FGD4: variants seen among roughly 807,000 people sequenced by gnomAD.
The protein encoded by FGD4 is FYVE, RhoGEF and PH domain-containing protein 4.
Under a neutral mutation model 102.0 loss-of-function variants are expected in FGD4, and 42 were observed. The ratio of observed to expected loss-of-function variants is 0.41; its 90% CI spans 0.32 to 0.53. The LOEUF is 0.53. FGD4 is among the 20% of genes least tolerant of loss of function. The probability of loss-of-function intolerance (pLI) is 0.21; values close to 1 mark genes in which losing one functional copy is unlikely to be tolerated. For synonymous variants in FGD4, 380 were observed against 375.7 expected (o/e 1.01, Z -0.13); for missense variants, 902 against 1,078.2 (o/e 0.84, Z 2.29).
At position 32,640,491 on chromosome 12, in the gene FGD4, C is replaced by T. The variant is rs751695357; in HGVS notation, c.2670C>T (p.Thr890=). 1 of 1,614,108 alleles carries T rather than the reference C, an allele frequency of 6.2e-7. No individual in the cohort carries two copies. The highest frequency in any genetic ancestry group is 1.1e-5 in the South Asian group (1 of 91,084). ...TPGGPNEHPA[T]LDDHPEPKKK... ...GTGGTCCAAATGAGCATCCAGCCACCTTGGATGATCATCCTGAACCTAAGA... is the reference window on the plus strand; with the variant it reads ...GTGGTCCAAATGAGCATCCAGCCACTTTGGATGATCATCCTGAACCTAAGA... The change falls in exon 17 of 17, where the codon ACC becomes ACT. Residue 890 remains threonine (T), a synonymous_variant. Transcript: ENST00000534526.
chr12:32,585,860 A>AAAG (rs1491469243), intron 4 of FGD4, among the ~76,000 whole-genome samples: 1 of 145,272 alleles, frequency 6.9e-6, no homozygotes, highest in African/African-American at 2.5e-5. Context: ...AAAAAAAAAA[A>AAAG]GGGAAATGCA....
intron 14 of FGD4, 93 bp downstream of exon 14, chr12:32,625,872 C>G (rs1950133455): frequency 1.3e-6 from 2 of 1,535,922 alleles, no homozygotes; most frequent in African/African-American, 2.7e-5. Flanking sequence ...TGACTTTCAA[C>G]AAATCACTTA....
chr12:32,453,224 TAGATATATATATA>T (rs1565749159), intron 1 of FGD4, among the ~76,000 whole-genome samples: 1,009 of 60,604 alleles, frequency 0.017, 33 homozygotes, highest in Middle Eastern at 0.053. Context: ...ATATATAATA[TAGATATATATATA>T]TTTTTTTTTT....
chr12:32,578,908 G>A (rs899489913), intron 3 of FGD4, among the ~76,000 whole-genome samples: 11 of 151,180 alleles, frequency 7.3e-5, no homozygotes, highest in Non-Finnish European at 1.3e-4. Context: ...AATTTTTACT[G>A]TGGTTTCCTT....
At chr12:32,424,821 G>GT (rs1941775253) in intron 1 of FGD4, among the ~76,000 whole-genome samples, 1 of 152,198 alleles carries the variant, frequency 6.6e-6, no homozygotes, top group South Asian at 2.1e-4. Context: ...CTAATGACCA[G>GT]TGATGATGAG....
At chr12:32,573,162 C>A (rs1945816795) in intron 2 of FGD4, among the ~76,000 whole-genome samples, 4 of 152,270 alleles carry the variant, frequency 2.6e-5, no homozygotes, top group Admixed American at 6.5e-5. Context: ...GTGGCGCGAT[C>A]TCGGCTCACT....
chr12:32,477,530 C>A (rs1458905167), intron 1 of FGD4: 1 of 152,302 alleles, frequency 6.6e-6, no homozygotes, highest in Non-Finnish European at 1.5e-5. Flanking sequence ...TTTTAAGTTC[C>A]TTGCCAACAG....
chr12:32,518,811 T>C (rs1371836908), intron 1 of FGD4, among the ~76,000 whole-genome samples: 1 of 148,006 alleles, frequency 6.8e-6, no homozygotes, highest in East Asian at 2.0e-4. Flanking sequence ...TCTTTTTCTT[T>C]ACAAAAGAAA....
intron 2 of FGD4, among the ~76,000 whole-genome samples, chr12:32,569,620 G>C (rs936682032): frequency 9.2e-5 from 14 of 152,162 alleles, no homozygotes; most frequent in Admixed American, 9.2e-4. Flanking sequence ...ACCCTGGATG[G>C]TATTTATCTT....
At chr12:32,599,534 CTTTTTTTTTT>C (rs764106230) in intron 5 of FGD4, among the ~76,000 whole-genome samples, 159 of 35,236 alleles carry the variant, frequency 4.5e-3, no homozygotes, top group Non-Finnish European at 6.0e-3. Flanking sequence ...ACTAAGGCAT[CTTTTTTTTTT>C]TTTTTTTTTT....
intron 4 of FGD4, among the ~76,000 whole-genome samples, chr12:32,584,594 C>A (rs12322494): frequency 6.6e-6 from 1 of 151,436 alleles, no homozygotes; most frequent in Non-Finnish European, 1.5e-5. Flanking sequence ...TGTAACCCCC[C>A]CCTCCCAAAA....
At chr12:32,510,766 T>G (rs1939278499) in intron 1 of FGD4, among the ~76,000 whole-genome samples, 1 of 152,216 alleles carries the variant, frequency 6.6e-6, no homozygotes, top group Non-Finnish European at 1.5e-5. Context: ...ATTAGACAGA[T>G]ACTTGTAAGA....
intron 3 of FGD4, 101 bp downstream of exon 3, chr12:32,576,550 T>C (rs1946144193): frequency 1.5e-6 from 2 of 1,333,458 alleles, no homozygotes; most frequent in Non-Finnish European, 2.1e-6. Flanking sequence ...GCATAATATC[T>C]TATTCCATTA....
chr12:32,399,656 A>T lies in FGD4; in HGVS notation c.-138A>T. The T allele has an allele frequency of 7.1e-7, 1 of 1,418,324 alleles. No individual in the cohort carries two copies. Among genetic ancestry groups the T allele is most frequent in the East Asian group, 2.8e-5 (1 of 35,328 alleles). The allele number at this position is 1,418,324 out of a possible 1,614,324, so 87.9% of individuals were successfully genotyped here. Reference sequence around the variant, plus strand: ...ACCGGGAAGGAGAGGGAGAGGAGGCACTCGCTGAGGAGACGCCGCAGTAGA... The same window carrying T: ...ACCGGGAAGGAGAGGGAGAGGAGGCTCTCGCTGAGGAGACGCCGCAGTAGA... On this transcript the variant is annotated 5_prime_UTR_variant, in exon 1 of 17. Transcript: ENST00000534526.
At chr12:32,481,127 C>CAAAAAAAAA (rs1157108520) in intron 1 of FGD4, among the ~76,000 whole-genome samples, 529 of 27,360 alleles carry the variant, frequency 0.019, 167 homozygotes, top group East Asian at 0.14. Flanking sequence ...GACTCCGTCT[C>CAAAAAAAAA]AAAAAAAAAA....
At chr12:32,587,187 CAA>C (rs1181469038) in intron 4 of FGD4, among the ~76,000 whole-genome samples, 3,594 of 65,836 alleles carry the variant, frequency 0.055, 58 homozygotes, top group Admixed American at 0.11. Context: ...GAGACTCTCT[CAA>C]AAAAAAAAAA....
intron 1 of FGD4, chr12:32,534,390 G>A: frequency 6.7e-7 from 1 of 1,492,202 alleles, no homozygotes; most frequent in Non-Finnish European, 8.9e-7. Context: ...TTTACAGCCA[G>A]GAGTGAGATT....
intron 1 of FGD4, among the ~76,000 whole-genome samples, chr12:32,413,497 TA>T (rs1271766910): frequency 6.6e-6 from 1 of 152,184 alleles, no homozygotes; most frequent in Admixed American, 6.5e-5. Flanking sequence ...ATATAATGCA[TA>T]ATTTTAATAC....
At chr12:32,515,252 C>G (rs1939774855) in intron 1 of FGD4, among the ~76,000 whole-genome samples, 2 of 152,240 alleles carry the variant, frequency 1.3e-5, no homozygotes, top group Non-Finnish European at 2.9e-5. Flanking sequence ...AAGGGCCCCA[C>G]TCCAATAAGG....
Sources: allele counts gnomAD v4.1 joint callset (sites outside exome capture counted in the v4.1 genomes callset), GRCh38; gene constraint gnomAD v4.1.1; transcripts MANE v1.5; gene names NCBI Gene and HGNC (gene_info 2026-07-23, HGNC 2026-07-21).